Variants in CDH13 observed in about 807,000 individuals in gnomAD.
CDH13 encodes cadherin 13, also known as cadherin-13.
In CDH13, 24 loss-of-function variants were observed where a neutral mutation model predicts 63.8. The observed-to-expected ratio is 0.38, with a 90% confidence interval of 0.27 to 0.53. The LOEUF (loss-of-function observed/expected upper bound fraction) is 0.53. Ranked by LOEUF, CDH13 falls within the 20% of genes least tolerant of loss-of-function variation. CDH13 has a pLI of 0.85. For synonymous variants in CDH13, 503 were observed against 355.3 expected, an observed-to-expected ratio of 1.42 and a Z score of -4.67; for missense variants, 1,049 against 903.1, an observed-to-expected ratio of 1.16 and a Z score of -2.07.
chr16:83,023,409 A>G (rs1359486753), intron 2 of CDH13, among the ~76,000 whole-genome samples: 2 of 152,010 alleles, frequency 1.3e-5, no homozygotes, highest in Non-Finnish European at 2.9e-5. Flanking sequence ...ATATGTGTAT[A>G]TTTTTTGCCT....
At chr16:83,616,220 C>T (rs1041244586) in intron 8 of CDH13, among the ~76,000 whole-genome samples, 1 of 152,150 alleles carries the variant, frequency 6.6e-6, no homozygotes, top group Non-Finnish European at 1.5e-5. Context: ...ATTATAAACT[C>T]TGTGTGGAAT....
intron 6 of CDH13, among the ~76,000 whole-genome samples, chr16:83,380,834 T>G (rs375653468): frequency 1.6e-4 from 22 of 137,278 alleles, no homozygotes; most frequent in South Asian, 1.6e-3. Flanking sequence ...ACCCAAGGTT[T>G]TTTTTTTTTT....
chr16:82,900,564 G>A lies in CDH13; in HGVS notation c.157+42091G>A, dbSNP rs535724873. On this transcript the variant is annotated intron_variant, in intron 2 of 13. Coordinates refer to ENST00000567109, the MANE Select transcript of CDH13 (RefSeq NM_001257.5). ...GGATTTCTATTTTGTTATTTTCCCC[G>A]AATAAATAAGCCTTAAACATGTTTG... Among the ~76,000 whole-genome samples, 55 of 152,288 alleles carry A rather than the reference G, an allele frequency of 3.6e-4. 1 individual carries two copies. In the South Asian group the frequency reaches 9.7e-3, roughly 27 times the overall value.
chr16:82,906,858 C>G (rs2041664156), intron 2 of CDH13, among the ~76,000 whole-genome samples: 1 of 152,182 alleles, frequency 6.6e-6, no homozygotes, highest in African/African-American at 2.4e-5. Context: ...ATGACCTCCT[C>G]TTCTGCCTCT....
At chr16:83,147,614 T>A (rs1462456303) in intron 4 of CDH13, among the ~76,000 whole-genome samples, 1 of 152,204 alleles carries the variant, frequency 6.6e-6, no homozygotes, top group Non-Finnish European at 1.5e-5. Flanking sequence ...AAGTCCTTTT[T>A]CTTCGGGTCC....
In CDH13 at chr16:83,321,493, AT is replaced by A. The variant is rs1205316889; in HGVS notation, c.637-23360del. On this transcript the variant is annotated intron_variant, in intron 5 of 13. Transcript: ENST00000567109. ...AACGACTAGGCTGTCATACCTCCTC[AT>A]TTTTTTTTCTGGAAAATATGGAAAT... Among the ~76,000 whole-genome samples the A allele has an allele frequency of 1.6e-3, 190 of 115,272 alleles. 2 individuals are homozygous for A. The highest frequency in any genetic ancestry group is 0.016 in the Admixed American group (186 of 11,726). The allele number at this position is 115,272 out of a possible 152,430, so 75.6% of individuals were successfully genotyped here. A position where few individuals can be genotyped will look rare whatever the true frequency, so the allele number is the denominator to read the frequency against.
intron 1 of CDH13, among the ~76,000 whole-genome samples, chr16:82,659,249 C>T (rs1911653591): frequency 6.6e-6 from 1 of 152,222 alleles, no homozygotes; most frequent in African/African-American, 2.4e-5. Flanking sequence ...TCATTCAACA[C>T]TGGGTTTAGA....
At chr16:83,148,598 T>C (rs1439519902) in intron 4 of CDH13, among the ~76,000 whole-genome samples, 2 of 152,208 alleles carry the variant, frequency 1.3e-5, no homozygotes, top group Non-Finnish European at 2.9e-5. Context: ...TTCCAGAGGA[T>C]TGAATAAGAT....
At chr16:83,070,627 G>T (rs1182791647) in intron 3 of CDH13, among the ~76,000 whole-genome samples, 2 of 152,098 alleles carry the variant, frequency 1.3e-5, no homozygotes, top group African/African-American at 4.8e-5. Flanking sequence ...GTTTTCTCAG[G>T]AAGGAAAGCG....
intron 4 of CDH13, among the ~76,000 whole-genome samples, chr16:83,149,912 T>C (rs930781703): frequency 5.3e-5 from 8 of 152,206 alleles, no homozygotes; most frequent in African/African-American, 1.4e-4. Flanking sequence ...TCCCAGAGAA[T>C]TGGCTATTAA....
At chr16:83,129,484 G>C (rs950007815) in intron 4 of CDH13, among the ~76,000 whole-genome samples, 4 of 152,176 alleles carry the variant, frequency 2.6e-5, no homozygotes, top group Non-Finnish European at 5.9e-5. Context: ...AGAGAAGCTT[G>C]TTTATGAAGC....
intron 6 of CDH13, among the ~76,000 whole-genome samples, chr16:83,418,977 T>C (rs909953654): frequency 6.6e-6 from 1 of 152,128 alleles, no homozygotes; most frequent in Non-Finnish European, 1.5e-5. Context: ...TCATGAAACA[T>C]ATGCAGGTGC....
At chr16:82,719,312 T>C in intron 1 of CDH13, 1 of 454,116 alleles carries the variant, frequency 2.2e-6, no homozygotes, top group East Asian at 7.0e-5. Context: ...AGATGCACTG[T>C]TACTAAAGAC....
Position 83,764,156 on chromosome 16 carries a change from T to C in CDH13, c.1682-15812T>C, listed in dbSNP as rs143467908. Among the ~76,000 whole-genome samples, 60 of 152,288 alleles carry C rather than the reference T, an allele frequency of 3.9e-4. No individual in the cohort carries two copies. In the East Asian group the frequency reaches 0.011, roughly 27 times the overall value. ...TGGACTGATCTTCTAAGCATGTCAT[T>C]ACAGAATCATGAGTGCTGAGGCAAA... On this transcript the variant is annotated intron_variant, in intron 11 of 13. Transcript: ENST00000567109.
At chr16:83,423,216 C>G (rs571959617) in intron 6 of CDH13, among the ~76,000 whole-genome samples, 1 of 152,142 alleles carries the variant, frequency 6.6e-6, no homozygotes, top group Non-Finnish European at 1.5e-5. Context: ...TTGTGTAAGT[C>G]CTCAGTAGCC....
intron 5 of CDH13, among the ~76,000 whole-genome samples, chr16:83,300,837 T>G (rs2089716903): frequency 6.6e-6 from 1 of 152,150 alleles, no homozygotes; most frequent in South Asian, 2.1e-4. Context: ...GTATGTGATG[T>G]TTTTAGAACA....
chr16:83,785,279 C>G (rs1268231924), intron 13 of CDH13, among the ~76,000 whole-genome samples: 2 of 152,170 alleles, frequency 1.3e-5, no homozygotes, highest in Non-Finnish European at 2.9e-5. Flanking sequence ...CTGGCAGATT[C>G]ATTGTCTAGT....
intron 4 of CDH13, among the ~76,000 whole-genome samples, chr16:83,164,558 T>C (rs2037580959): frequency 6.6e-6 from 1 of 151,768 alleles, no homozygotes; most frequent in South Asian, 2.1e-4. Context: ...CCATCTCTAC[T>C]AAAAATACAG....
Position 83,678,571 on chromosome 16 carries a change from A to G in CDH13, c.1538+110A>G, listed in dbSNP as rs1439073861. 7 of 1,347,108 alleles carry G rather than the reference A, an allele frequency of 5.2e-6. No individual in the cohort carries two copies. In the East Asian group the frequency reaches 1.5e-4, roughly 28 times the overall value. 83.4% of individuals were successfully genotyped at this position (1,347,108 alleles called of 1,614,324 possible). A position where few individuals can be genotyped will look rare whatever the true frequency, so the allele number is the denominator to read the frequency against. On this transcript the variant is annotated intron_variant, in intron 10 of 13. Transcript: ENST00000567109. ...CAGACACCATTAAATTAAACTTGTTAACAATCTCAGCAAGTGGGAGGAAAG... is the reference window on the plus strand; with the variant it reads ...CAGACACCATTAAATTAAACTTGTTGACAATCTCAGCAAGTGGGAGGAAAG...
Sources: allele counts gnomAD v4.1 joint callset (sites outside exome capture counted in the v4.1 genomes callset), GRCh38; gene constraint gnomAD v4.1.1; transcripts MANE v1.5; gene names NCBI Gene and HGNC (gene_info 2026-07-23, HGNC 2026-07-21).